Variants in ANKRD36C observed in about 807,000 individuals in gnomAD.
ANKRD36C encodes ankyrin repeat domain-containing protein 36C.
ANKRD36C carries 61 observed loss-of-function variants against 276.4 expected under a neutral mutation model. The ratio of observed to expected loss-of-function variants is 0.22; its 90% CI spans 0.18 to 0.27. ANKRD36C has a LOEUF of 0.27. Among genes scored for constraint, ANKRD36C ranks in the 10% least tolerant of loss-of-function variants. ANKRD36C has a pLI of 1.00. For missense variants in ANKRD36C, 1,447 were observed against 2,032.3 expected (o/e 0.71, Z 5.54); for synonymous variants, 483 against 680.1 (o/e 0.71, Z 4.51).
chr2:95,910,699 G>C, intron 42 of ANKRD36C, 131 bp from the exon 45 acceptor site: 1 of 1,511,920 alleles, frequency 6.6e-7, no homozygotes, highest in Non-Finnish European at 8.9e-7. Flanking sequence ...CTTCTACTTT[G>C]TGTCTGGGGA....
At chr2:95,874,273 A>T (rs2104304485) in intron 59 of ANKRD36C, among the ~76,000 whole-genome samples, 1 of 152,336 alleles carries the variant, frequency 6.6e-6, no homozygotes, top group East Asian at 1.9e-4. Context: ...ACCTGACTTC[A>T]AACTATACTA....
chr2:95,971,299 A>ACCGAGAGGGAACT (rs57818218), intron 6 of ANKRD36C, among the ~76,000 whole-genome samples: 2 of 81,074 alleles, frequency 2.5e-5, no homozygotes, highest in Non-Finnish European at 6.5e-5. Flanking sequence ...ATATTTAAAT[A>ACCGAGAGGGAACT]TAAATATAAA....
intron 40 of ANKRD36C, among the ~76,000 whole-genome samples, chr2:95,913,560 A>C (rs1676997550): frequency 6.6e-6 from 1 of 151,394 alleles, no homozygotes; most frequent in African/African-American, 2.4e-5. Flanking sequence ...AAAATATTCC[A>C]AATGCATCTG....
intron 6 of ANKRD36C, among the ~76,000 whole-genome samples, chr2:95,972,945 TA>T (rs1286060914): frequency 2.0e-5 from 3 of 152,178 alleles, no homozygotes; most frequent in African/African-American, 7.2e-5. Context: ...AGGTTTCTTT[TA>T]TAATAACTGG....
At chr2:95,971,089 T>C (rs560567030) in intron 6 of ANKRD36C, among the ~76,000 whole-genome samples, 2 of 152,030 alleles carry the variant, frequency 1.3e-5, no homozygotes, top group Non-Finnish European at 2.9e-5. Flanking sequence ...TTCTGTAATA[T>C]AGAAAAAGAT....
chr2:95,890,022 C>G (rs746725315), intron 46 of ANKRD36C, 28 bp from the exon 67 acceptor site: 1 of 1,603,826 alleles, frequency 6.2e-7, no homozygotes, highest in Non-Finnish European at 8.5e-7. Flanking sequence ...TACATAATCA[C>G]TCATACGTAA....
chr2:95,871,531 AG>A (rs1675812001), intron 59 of ANKRD36C, among the ~76,000 whole-genome samples: 1 of 152,222 alleles, frequency 6.6e-6, no homozygotes, highest in Non-Finnish European at 1.5e-5. Context: ...AAACGTGGAA[AG>A]GAACAACCGG....
At chr2:95,917,740 C>G (rs777915719) in intron 36 of ANKRD36C, 115 bp downstream of exon 38, 6 of 1,320,512 alleles carry the variant, frequency 4.5e-6, no homozygotes, top group South Asian at 2.8e-5. Flanking sequence ...ACTGCTGGAT[C>G]AGAATGTGCA....
intron 26 of ANKRD36C, among the ~76,000 whole-genome samples, chr2:95,928,756 T>C (rs1677479973): frequency 1.3e-5 from 2 of 151,540 alleles, no homozygotes; most frequent in Middle Eastern, 3.4e-3. Context: ...TCTCGTTCTC[T>C]TTCCCCTCTT....
chr2:95,856,932 T>C (rs955082306), intron 62 of ANKRD36C, among the ~76,000 whole-genome samples: 4 of 152,132 alleles, frequency 2.6e-5, no homozygotes, highest in African/African-American at 9.7e-5. Context: ...GAAAATTAAA[T>C]CTATAAAGCT....
chr2:95,981,407 AT>A (rs1304378999), intron 4 of ANKRD36C, among the ~76,000 whole-genome samples: 2 of 147,946 alleles, frequency 1.4e-5, no homozygotes, highest in African/African-American at 4.9e-5. Context: ...TATATTATAT[AT>A]TATCTATAAA....
At chr2:95,982,419 T>G in intron 3 of ANKRD36C, 57 bp from the exon 4 acceptor site, 1 of 1,404,674 alleles carries the variant, frequency 7.1e-7, no homozygotes, top group Non-Finnish European at 9.8e-7. Context: ...TCAACTGAAA[T>G]GAAAACCTTA....
At chr2:95,856,098 T>G (rs1675406007) in exon 63 of ANKRD36C, 8 of 1,606,464 alleles carry the variant, frequency 5.0e-6, no homozygotes, top group Non-Finnish European at 6.8e-6. Flanking sequence ...TATTGTGTCT[T>G]TTTCCAGCCT....
chr2:95,902,729 T>G lies in ANKRD36C; in HGVS notation c.2654-3393A>C, dbSNP rs559523259. Among the ~76,000 whole-genome samples, 118 of 150,220 alleles carry G rather than the reference T, an allele frequency of 7.9e-4. 7 individuals are homozygous for G. Among genetic ancestry groups the G allele is most frequent in the South Asian group, 2.3e-3 (11 of 4,704 alleles). On this transcript the variant is annotated intron_variant, in intron 42 of 66. Coordinates refer to ENST00000456556, the Ensembl canonical transcript of ANKRD36C. ...GCGAAGATCATGTTCCAGACCAGCA[T>G]CATCATCATCACCCACAAACTTATT... is the stretch of plus-strand genomic sequence containing the variant.
chr2:95,953,956 A>G, exon 14 of ANKRD36C: 1 of 1,535,838 alleles, frequency 6.5e-7, no homozygotes, highest in East Asian at 2.4e-5. Flanking sequence ...TCCAAAGCAA[A>G]CTCATCCTCT....
intron 44 of ANKRD36C, among the ~76,000 whole-genome samples, chr2:95,896,363 A>AG (rs2104367209): frequency 6.7e-6 from 1 of 148,912 alleles, no homozygotes; most frequent in South Asian, 2.1e-4. Flanking sequence ...TTTTTCATTC[A>AG]GAAATCACTG....
At chr2:95,885,727 C>T (rs550124483) in intron 52 of ANKRD36C, among the ~76,000 whole-genome samples, 1 of 151,824 alleles carries the variant, frequency 6.6e-6, no homozygotes, top group Non-Finnish European at 1.5e-5. Flanking sequence ...TACTTCGTCT[C>T]GTTCTCCTTC....
In ANKRD36C at chr2:95,936,427, A is replaced by G. The variant is rs530004199; in HGVS notation, c.1634-783T>C. On this transcript the variant is annotated intron_variant, in intron 22 of 66. Transcript: ENST00000456556. Reference sequence around the variant, plus strand: ...GTTTTGCTTCCACAGTCAGTTTGACATGCAGTGCATCACATTTTGCTAACA... The same window carrying G: ...GTTTTGCTTCCACAGTCAGTTTGACGTGCAGTGCATCACATTTTGCTAACA... Among the ~76,000 whole-genome samples, 5 of 152,376 alleles carry G rather than the reference A, an allele frequency of 3.3e-5. No homozygotes were observed. The East Asian group carries it at 7.7e-4, about 24-fold the overall frequency.
chr2:95,960,239 C>T (rs1185786348), intron 10 of ANKRD36C, among the ~76,000 whole-genome samples: 1 of 152,050 alleles, frequency 6.6e-6, no homozygotes, highest in East Asian at 1.9e-4. Flanking sequence ...GAACTGCTCT[C>T]CAATGGTTCT....
Sources: gnomAD v4.1 joint callset for allele counts (sites outside exome capture counted in the v4.1 genomes callset) on GRCh38, gnomAD v4.1.1 for gene constraint, MANE v1.5 for transcripts, NCBI Gene and HGNC (gene_info 2026-07-23, HGNC 2026-07-21) for gene names.